Variants in ADAM18 observed in about 807,000 individuals in gnomAD.
ADAM18 encodes ADAM metallopeptidase domain 18.
Under a neutral mutation model 94.4 loss-of-function variants are expected in ADAM18, and 117 were observed. The ratio of observed to expected loss-of-function variants is 1.24; its 90% CI spans 1.07 to 1.45. The LOEUF is 1.45. ADAM18 is among the 40% of genes most tolerant of loss of function. ADAM18 has a pLI of 0.00. For synonymous variants in ADAM18, 327 were observed against 291.6 expected (o/e 1.12, Z -1.24); for missense variants, 936 against 880.0 (o/e 1.06, Z -0.81).
intron 2 of ADAM18, among the ~76,000 whole-genome samples, chr8:39,592,461 T>G (rs1429281396): frequency 6.6e-6 from 1 of 152,152 alleles, no homozygotes; most frequent in African/African-American, 2.4e-5. Flanking sequence ...AACAGTTCAC[T>G]GGATAAATAA....
chr8:39,637,065 A>G (rs1279024684), intron 7 of ADAM18, among the ~76,000 whole-genome samples, 199 bp from the exon 8 acceptor site: 6 of 132,750 alleles, frequency 4.5e-5, no homozygotes, highest in South Asian at 4.6e-4. Context: ...ATATATATAT[A>G]TGTATATACA....
At chr8:39,687,736 C>T (rs1821647479) in intron 16 of ADAM18, among the ~76,000 whole-genome samples, 1 of 152,140 alleles carries the variant, frequency 6.6e-6, no homozygotes, top group African/African-American at 2.4e-5. Context: ...GTTTTCTGTT[C>T]CTGCATTAGT....
intron 2 of ADAM18, among the ~76,000 whole-genome samples, chr8:39,593,331 G>A (rs978681622): frequency 2.6e-5 from 4 of 151,990 alleles, no homozygotes; most frequent in African/African-American, 9.7e-5. Flanking sequence ...AAAGCAATAG[G>A]CAGATTCAGT....
intron 3 of ADAM18, among the ~76,000 whole-genome samples, chr8:39,608,622 T>G (rs1819164248): frequency 1.3e-5 from 2 of 152,080 alleles, no homozygotes; most frequent in South Asian, 4.1e-4. Flanking sequence ...CCTATCTACA[T>G]TTTGTAACCA....
chr8:39,658,991 A>G (rs886616425), intron 12 of ADAM18, among the ~76,000 whole-genome samples: 11 of 152,226 alleles, frequency 7.2e-5, no homozygotes, highest in African/African-American at 2.7e-4. Flanking sequence ...AAGATGAATA[A>G]TAAATGTAAA....
At chr8:39,668,477 T>C (rs924332870) in intron 14 of ADAM18, among the ~76,000 whole-genome samples, 3 of 152,170 alleles carry the variant, frequency 2.0e-5, no homozygotes, top group Non-Finnish European at 4.4e-5. Context: ...TTAAAATCAG[T>C]AGATTCTAAA....
chr8:39,600,373 AT>A (rs1225334498), intron 2 of ADAM18, among the ~76,000 whole-genome samples: 3 of 152,188 alleles, frequency 2.0e-5, no homozygotes, highest in Non-Finnish European at 4.4e-5. Context: ...ACTGATTTAT[AT>A]TTTAATTTGA....
chr8:39,704,478 C>A (rs1466776168), intron 17 of ADAM18, among the ~76,000 whole-genome samples: 1 of 152,112 alleles, frequency 6.6e-6, no homozygotes, highest in African/African-American at 2.4e-5. Flanking sequence ...TCAAAAGATG[C>A]AGAAAAGGCT....
chr8:39,640,756 G>A lies in ADAM18; in HGVS notation c.909+2210G>A, dbSNP rs891752599. The stretch of plus-strand genomic sequence containing the variant: ...TAAGGTGCTATCTCATTGTGGTTTC[G>A]ATTTACATTTCTCTAATGACCAGTG... On this transcript the variant is annotated intron_variant, in intron 10 of 19. Coordinates refer to ENST00000265707, the MANE Select transcript of ADAM18 (RefSeq NM_014237.3). Among the ~76,000 whole-genome samples, 8 of 151,524 alleles carry A rather than the reference G, an allele frequency of 5.3e-5. No homozygotes were observed. In the East Asian group the frequency reaches 5.8e-4, roughly 11 times the overall value.
At chr8:39,618,997 G>T (rs1159554975) in intron 6 of ADAM18, among the ~76,000 whole-genome samples, 2 of 151,864 alleles carry the variant, frequency 1.3e-5, no homozygotes, top group Non-Finnish European at 2.9e-5. Flanking sequence ...AGTTTCAGGG[G>T]GTCTCCCTAC....
chr8:39,713,540 T>A (rs1190820584), intron 18 of ADAM18, among the ~76,000 whole-genome samples: 1 of 152,000 alleles, frequency 6.6e-6, no homozygotes, highest in Non-Finnish European at 1.5e-5. Flanking sequence ...CAGTCTACCC[T>A]TCTGACAAAG....
chr8:39,698,747 T>A (rs1821990207), intron 17 of ADAM18, among the ~76,000 whole-genome samples: 1 of 152,170 alleles, frequency 6.6e-6, no homozygotes, highest in East Asian at 1.9e-4. Flanking sequence ...GTCTGATTAG[T>A]TTAAATCCAT....
intron 14 of ADAM18, among the ~76,000 whole-genome samples, chr8:39,674,892 G>T (rs900077640): frequency 3.3e-5 from 5 of 152,114 alleles, no homozygotes; most frequent in African/African-American, 1.2e-4. Context: ...AGCTTAGTTC[G>T]GCTGGATATG....
intron 6 of ADAM18, among the ~76,000 whole-genome samples, chr8:39,613,498 T>C (rs1361583604): frequency 6.6e-6 from 1 of 152,106 alleles, no homozygotes. Flanking sequence ...GGACAAAAAC[T>C]TTAAACAAAC....
rs774412876 is a variant in ADAM18 at position 39,692,646 on chromosome 8, A to G, written c.1868A>G (p.Asn623Ser). Residue 623 changes from asparagine to serine, a missense_variant, in exon 17 of 20, where the codon AAC (asparagine) becomes AGC (serine). Transcript: ENST00000265707. The part of the protein sequence containing the change: ...TCRKVHLMGY[N>S]CNATTKCKGK... Reference sequence around the variant, plus strand: ...AGAAAAGTTCATTTAATGGGATATAACTGTAATGCCACCACAAAATGCAAA... The same window carrying G: ...AGAAAAGTTCATTTAATGGGATATAGCTGTAATGCCACCACAAAATGCAAA... 6.2e-7 allele frequency: 1 copy of G among 1,608,030 alleles called. No individual in the cohort carries two copies. The highest frequency in any genetic ancestry group is 8.5e-7 in the Non-Finnish European group (1 of 1,176,474).
At chr8:39,642,973 G>GAA (rs1563288003) in intron 10 of ADAM18, among the ~76,000 whole-genome samples, 4 of 151,996 alleles carry the variant, frequency 2.6e-5, no homozygotes, top group African/African-American at 9.7e-5. Flanking sequence ...ACAGTGGTTT[G>GAA]TGATGCTCCT....
At position 39,663,001 on chromosome 8, in the gene ADAM18, T is replaced by A. The variant is rs144096210; in HGVS notation, c.1231-794T>A. ...AGTCTTTTTTTGTTGATTTCTATTA[T>A]AGTAAAACATGGTACATAAATATAT... On this transcript the variant is annotated intron_variant, in intron 12 of 19. Transcript: ENST00000265707. 3.3e-5 allele frequency among the ~76,000 whole-genome samples: 5 copies of A among 152,272 alleles called. No homozygotes were observed. The South Asian group carries it at 1.0e-3, about 32-fold the overall frequency.
chr8:39,645,560 G>A (rs6474161), intron 11 of ADAM18, 86 bp downstream of exon 11: 835,156 of 1,301,260 alleles, frequency 0.64, 272,076 homozygotes, highest in African/African-American at 0.67. Context: ...TTTATATTCG[G>A]CACCACATCA....
At chr8:39,619,991 G>A (rs908678133) in intron 6 of ADAM18, among the ~76,000 whole-genome samples, 4 of 152,024 alleles carry the variant, frequency 2.6e-5, no homozygotes, top group South Asian at 2.1e-4. Context: ...GAAACAGCAT[G>A]GTATTGGCAT....
Sources: gnomAD v4.1 joint callset for allele counts (sites outside exome capture counted in the v4.1 genomes callset) on GRCh38, gnomAD v4.1.1 for gene constraint, MANE v1.5 for transcripts, NCBI Gene and HGNC (gene_info 2026-07-23, HGNC 2026-07-21) for gene names.